Variants in PSMC3IP observed in about 807,000 individuals in gnomAD.
PSMC3IP encodes homologous-pairing protein 2 homolog.
PSMC3IP carries 26 observed loss-of-function variants against 34.9 expected under a neutral mutation model. The observed-to-expected ratio is 0.74, with a 90% CI of 0.55 to 1.03. The LOEUF (loss-of-function observed/expected upper bound fraction) is 1.03. PSMC3IP is among the 50% of genes least tolerant of loss of function. The probability of loss-of-function intolerance (pLI) is 0.00; values close to 1 mark genes in which losing one functional copy is unlikely to be tolerated. For missense variants in PSMC3IP, 250 were observed against 263.1 expected (o/e 0.95, Z 0.34); for synonymous variants, 87 against 96.5 (o/e 0.90, Z 0.57).
chr17:42,577,094 G>A (rs1680295269), intron 3 of PSMC3IP, 119 bp downstream of exon 3: 2 of 1,558,666 alleles, frequency 1.3e-6, no homozygotes, highest in Non-Finnish European at 1.7e-6. Flanking sequence ...ATTTAAGGAT[G>A]GTGGCCTAAG....
intron 3 of PSMC3IP, among the ~76,000 whole-genome samples, chr17:42,575,843 C>T (rs533650598): frequency 7.5e-6 from 1 of 133,754 alleles, no homozygotes; most frequent in East Asian, 2.1e-4. Flanking sequence ...CCCATCTCTA[C>T]TAAAAATACC....
rs907079384 is a variant in PSMC3IP, at chr17:42,574,202, A to C, written c.234T>G (p.Phe78Leu). Residue 78 changes from phenylalanine (F) to leucine (L), a missense_variant, in exon 4 of 8, where the codon TTT (phenylalanine) becomes TTG (leucine). Physicochemically the swap from Phe to Leu is conservative, Grantham distance 22. Coordinates refer to ENST00000393795, the MANE Select transcript of PSMC3IP (RefSeq NM_016556.4). The part of the protein sequence containing the change: ...QKIYFADQDQ[F>L]DMVSDADLQV... ...GAAGGTCAGCATCACTCACCATGTC[A>C]AACTGGTCCTGCCAGACAAAGAGGG... The C allele has an allele frequency of 1.9e-6, 3 of 1,614,022 alleles. No individual in the cohort carries two copies. The highest frequency in any genetic ancestry group is 8.5e-7 in the Non-Finnish European group (1 of 1,179,970).
intron 3 of PSMC3IP, chr17:42,576,926 T>C (rs1319922555): frequency 8.3e-6 from 4 of 481,040 alleles, no homozygotes; most frequent in African/African-American, 8.0e-5. Flanking sequence ...GGAACATCAT[T>C]TGGCAGAGGG....
In PSMC3IP at chr17:42,572,802, TCC is replaced by T; in HGVS notation, c.*164_*165del. 1 of 815,704 alleles carries T rather than the reference TCC, an allele frequency of 1.2e-6. No homozygotes were observed. The allele number at this position is 815,704 out of a possible 1,614,324, so 50.5% of individuals were successfully genotyped here. A position where few individuals can be genotyped will look rare whatever the true frequency, so the allele number is the denominator to read the frequency against. Reference sequence around the variant, plus strand: ...GTCTACCCCCAGCCACCAGCCCTCATCCTCTCTACCCAGTGCTCTGGTTTATG... The same window carrying T: ...GTCTACCCCCAGCCACCAGCCCTCATTCTCTACCCAGTGCTCTGGTTTATG... On this transcript the variant is annotated 3_prime_UTR_variant, in exon 8 of 8. Transcript: ENST00000393795.
chr17:42,573,647 C>T, intron 4 of PSMC3IP, 24 bp from the exon 5 acceptor site: 1 of 1,612,782 alleles, frequency 6.2e-7, no homozygotes, highest in Non-Finnish European at 8.5e-7. Flanking sequence ...CGCCTGGGGT[C>T]ACTTGCTACC....
chr17:42,574,292 G>C, intron 3 of PSMC3IP, 82 bp from the exon 4 acceptor site: 1 of 1,554,706 alleles, frequency 6.4e-7, no homozygotes. Context: ...GCACCATTTG[G>C]ATATGCTCAG....
intron 3 of PSMC3IP, chr17:42,574,415 G>A (rs2093059879): frequency 3.0e-6 from 4 of 1,319,050 alleles, no homozygotes; most frequent in Non-Finnish European, 4.0e-6. Context: ...GGAAAGAAAA[G>A]CTGAAATCTA....
chr17:42,572,889 C>T lies in PSMC3IP; in HGVS notation c.*79G>A. 3.2e-6 allele frequency: 5 copies of T among 1,548,306 alleles called. No homozygotes were observed. The highest frequency in any genetic ancestry group is 4.5e-6 in the Non-Finnish European group (5 of 1,122,326). On this transcript the variant is annotated 3_prime_UTR_variant, in exon 8 of 8. Coordinates refer to ENST00000393795, the MANE Select transcript of PSMC3IP (RefSeq NM_016556.4). ...TAGCAGGAACAACAACAAAAGCCAA[C>T]CAAAAACAAGGTAGCCAGTGCAAGA... is the stretch of plus-strand genomic sequence containing the variant.
At chr17:42,577,602 C>T in intron 1 of PSMC3IP, 41 bp from the exon 2 acceptor site, 5 of 1,614,180 alleles carry the variant, frequency 3.1e-6, no homozygotes, top group Non-Finnish European at 4.2e-6. Context: ...CTCAACCGAC[C>T]TCCTCACCCA....
At chr17:42,577,070 G>A in intron 3 of PSMC3IP, 143 bp downstream of exon 3, 3 of 1,534,864 alleles carry the variant, frequency 2.0e-6, no homozygotes, top group South Asian at 1.2e-5. Flanking sequence ...CTAACAAGAG[G>A]AGTACACACC....
intron 3 of PSMC3IP, chr17:42,574,467 G>A: frequency 2.9e-6 from 3 of 1,035,354 alleles, no homozygotes; most frequent in African/African-American, 3.3e-5. Context: ...ATACTGATTA[G>A]GACAGAAATC....
rs895969980 is a variant in PSMC3IP at position 42,572,598 on chromosome 17, A to G, written c.*370T>C. On this transcript the variant is annotated 3_prime_UTR_variant, in exon 8 of 8. Coordinates refer to ENST00000393795, the MANE Select transcript of PSMC3IP (RefSeq NM_016556.4). ...CAACCTCTCTCTACCCTAGTTCTCC[A>G]AATTCACTTCTGCCTTCCTCAGGTT... 7 of 452,522 alleles carry G rather than the reference A, an allele frequency of 1.5e-5. No homozygotes were observed. Among genetic ancestry groups the G allele is most frequent in the African/African-American group, 4.0e-5 (2 of 49,924 alleles). 28.0% of individuals were successfully genotyped at this position (452,522 alleles called of 1,614,324 possible). A position where few individuals can be genotyped will look rare whatever the true frequency, so the allele number is the denominator to read the frequency against.
Position 42,574,310 on chromosome 17 carries a change from C to T in PSMC3IP, c.226-100G>A, listed in dbSNP as rs1162657488. The T allele has an allele frequency of 1.9e-6, 3 of 1,543,578 alleles. No homozygotes were observed. In the African/African-American group the frequency reaches 4.1e-5, roughly 21 times the overall value. On this transcript the variant is annotated intron_variant, in intron 3 of 7. Coordinates refer to ENST00000393795, the MANE Select transcript of PSMC3IP (RefSeq NM_016556.4). ...CCATTTGGATATGCTCAGGAACCAG[C>T]CACACCCCAAAGTCTCCAGAGGGTC...
Position 42,572,650 on chromosome 17 carries a change from G to C in PSMC3IP, c.*318C>G, listed in dbSNP as rs745322417. 37 of 411,212 alleles carry C rather than the reference G, an allele frequency of 9.0e-5. No homozygotes were observed. The highest frequency in any genetic ancestry group is 1.9e-5 in the Non-Finnish European group (4 of 205,916). The allele number at this position is 411,212 out of a possible 1,614,324, so 25.5% of individuals were successfully genotyped here. The stretch of plus-strand genomic sequence containing the variant: ...GATATCTGGCAGGTTTGACTATCCA[G>C]AGGAAATTAAATATTTTTATATAAA... On this transcript the variant is annotated 3_prime_UTR_variant, in exon 8 of 8. Transcript: ENST00000393795.
rs768973686 is a variant in PSMC3IP, at chr17:42,577,715, C to A, written c.-29G>T. The A allele has an allele frequency of 1.1e-5, 17 of 1,613,792 alleles. No individual in the cohort carries two copies. The South Asian group carries it at 1.6e-4, about 16-fold the overall frequency. On this transcript the variant is annotated 5_prime_UTR_variant, in exon 1 of 8. Coordinates refer to ENST00000393795, the MANE Select transcript of PSMC3IP (RefSeq NM_016556.4). Reference sequence around the variant, plus strand: ...CTTTCCCGCCACCCAACTCAGAAAGCCGGACGTTGTAGTTGCTCGGGGCGA... The same window carrying A: ...CTTTCCCGCCACCCAACTCAGAAAGACGGACGTTGTAGTTGCTCGGGGCGA...
chr17:42,573,220 G>T lies in PSMC3IP; in HGVS notation c.538-54C>A, dbSNP rs1227350615. ...AGATGGGCAGCACTGGGCACTGCCT[G>T]TCAGTTTATGATATTGTGTAGCGGC... is the stretch of plus-strand genomic sequence containing the variant. On this transcript the variant is annotated intron_variant, in intron 6 of 7. Transcript: ENST00000393795. 15 of 1,614,066 alleles carry T rather than the reference G, an allele frequency of 9.3e-6. No homozygotes were observed. In the South Asian group the frequency reaches 9.9e-5, roughly 11 times the overall value.
rs746107438 is a variant in PSMC3IP, at chr17:42,577,198, G to C, written c.225+15C>G. On this transcript the variant is annotated intron_variant, in intron 3 of 7. Transcript: ENST00000393795. Reference sequence around the variant, plus strand: ...CGGGCTCTCATGGGTGACAATCGGCGCAAGTTCTCCTCACCTGATCCGCAA... The same window carrying C: ...CGGGCTCTCATGGGTGACAATCGGCCCAAGTTCTCCTCACCTGATCCGCAA... 4.3e-6 allele frequency: 7 copies of C among 1,613,944 alleles called. No individual in the cohort carries two copies. In the South Asian group the frequency reaches 6.6e-5, roughly 15 times the overall value.
chr17:42,577,397 G>GGC lies in PSMC3IP; in HGVS notation c.135+62_135+63dup. The GGC allele has an allele frequency of 4.3e-6, 7 of 1,609,824 alleles. No individual in the cohort carries two copies. The South Asian group carries it at 7.7e-5, about 18-fold the overall frequency. Reference sequence around the variant, plus strand: ...GTGGAAAACGCCCAAGGCTCCAAAGGGCACGACCCCAGCCTGAATCCAGGG... The same window carrying GGC: ...GTGGAAAACGCCCAAGGCTCCAAAGGGCGCACGACCCCAGCCTGAATCCAGGG... On this transcript the variant is annotated intron_variant, in intron 2 of 7. Coordinates refer to ENST00000393795, the MANE Select transcript of PSMC3IP (RefSeq NM_016556.4).
intron 3 of PSMC3IP, among the ~76,000 whole-genome samples, chr17:42,574,846 T>C (rs550147886): frequency 1.3e-5 from 2 of 152,180 alleles, no homozygotes; most frequent in Admixed American, 1.3e-4. Flanking sequence ...CTCCGCCTCC[T>C]GGCTTCAAGC....
Sources: gnomAD v4.1 joint callset for allele counts (sites outside exome capture counted in the v4.1 genomes callset) on GRCh38, gnomAD v4.1.1 for gene constraint, MANE v1.5 for transcripts, NCBI Gene and HGNC (gene_info 2026-07-23, HGNC 2026-07-21) for gene names.